OSBPL9: variants seen among roughly 807,000 people sequenced by gnomAD.
The protein encoded by OSBPL9 is oxysterol-binding protein-related protein 9.
Under a neutral mutation model 106.6 loss-of-function variants are expected in OSBPL9, and 40 were observed. The observed-to-expected ratio is 0.38, with a 90% CI of 0.29 to 0.49. The LOEUF is 0.49. Among genes scored for constraint, OSBPL9 ranks in the 20% least tolerant of loss-of-function variants. The pLI, the probability that OSBPL9 is intolerant of heterozygous loss-of-function variation, is 0.97. For missense variants in OSBPL9, 609 were observed against 887.2 expected, an observed-to-expected ratio of 0.69 and a Z score of 3.98; for synonymous variants, 269 against 295.4, an observed-to-expected ratio of 0.91 and a Z score of 0.92.
At position 51,787,961 on chromosome 1, in the gene OSBPL9, C is replaced by A. The variant is rs1019738317; in HGVS notation, c.*172C>A. 16 of 598,892 alleles carry A rather than the reference C, an allele frequency of 2.7e-5. No individual in the cohort carries two copies. Among genetic ancestry groups the A allele is most frequent in the Non-Finnish European group, 4.3e-5 (15 of 347,756 alleles). 37.1% of individuals were successfully genotyped at this position (598,892 alleles called of 1,614,324 possible). Reference sequence around the variant, plus strand: ...ATGAACAATTAAGGGGAAAAGCTTCCCTTTTCCCTCTGTGGCAGTTACGAT... The same window carrying A: ...ATGAACAATTAAGGGGAAAAGCTTCACTTTTCCCTCTGTGGCAGTTACGAT... On this transcript the variant is annotated 3_prime_UTR_variant, in exon 24 of 24. Transcript: ENST00000428468.
chr1:51,764,986 C>G (rs1672273288), intron 11 of OSBPL9, among the ~76,000 whole-genome samples: 1 of 152,206 alleles, frequency 6.6e-6, no homozygotes, highest in African/African-American at 2.4e-5. Context: ...CACCAGACAT[C>G]TGTAGATTAG....
At chr1:51,737,969 C>G (rs1666077564) in intron 4 of OSBPL9, among the ~76,000 whole-genome samples, 3 of 151,962 alleles carry the variant, frequency 2.0e-5, no homozygotes, top group Admixed American at 2.0e-4. Context: ...CTGAGACAAC[C>G]AGGCATAAAC....
chr1:51,749,401 C>T (rs1314764084), intron 7 of OSBPL9: 7 of 243,578 alleles, frequency 2.9e-5, no homozygotes, highest in African/African-American at 1.5e-4. Flanking sequence ...CAGCTTCGAA[C>T]TCCTGGGCTC....
intron 1 of OSBPL9, among the ~76,000 whole-genome samples, chr1:51,584,533 G>A (rs890435026): frequency 6.6e-6 from 1 of 152,050 alleles, no homozygotes; most frequent in Non-Finnish European, 1.5e-5. Context: ...TGACCAACAT[G>A]GTGAAACACC....
the OSBPL9 span, among the ~76,000 whole-genome samples, chr1:51,571,118 G>A: frequency 2.0e-5 from 3 of 152,154 alleles, no homozygotes; most frequent in African/African-American, 4.8e-5. Context: ...ACTTTCCTGG[G>A]TCACACTATG....
Position 51,597,421 on chromosome 1 carries a change from ATATGTGTG to A in OSBPL9, c.-422-701_-422-694del, listed in dbSNP as rs1366032751. Among the ~76,000 whole-genome samples the A allele has an allele frequency of 5.6e-3, 566 of 100,492 alleles. 8 individuals are homozygous for A. The highest frequency in any genetic ancestry group is 0.017 in the African/African-American group (549 of 32,204). The allele number at this position is 100,492 out of a possible 152,430, so 65.9% of individuals were successfully genotyped here. ...GGAATATATGTGTGTATATATATAT[ATATGTGTG>A]TGTGTGTGTGTGTGTGTGTGTGTGT... is the stretch of plus-strand genomic sequence containing the variant. On this transcript the variant is annotated intron_variant, in intron 1 of 25. Coordinates refer to the OSBPL9 transcript ENST00000371714.
rs986430840 is a variant in OSBPL9 at position 51,729,819 on chromosome 1, G to T, written c.319-15717G>T. 7 of 1,243,522 alleles carry T rather than the reference G, an allele frequency of 5.6e-6. No individual in the cohort carries two copies. In the South Asian group the frequency reaches 2.1e-4, roughly 37 times the overall value. The allele number at this position is 1,243,522 out of a possible 1,614,324, so 77.0% of individuals were successfully genotyped here. A position where few individuals can be genotyped will look rare whatever the true frequency, so the allele number is the denominator to read the frequency against. ...GACGGGAAAGGGGTGGGGGGTGAAG[G>T]GGGTGAAGGGGGTGTCCCGGGGGAC... On this transcript the variant is annotated intron_variant, in intron 4 of 23. Transcript: ENST00000428468. This position sits in a 1 kb window ranked among gnomAD's most constrained non-coding sequence, Gnocchi z 5.1.
At chr1:51,687,611 A>G (rs1654086316) in intron 3 of OSBPL9, among the ~76,000 whole-genome samples, 1 of 152,202 alleles carries the variant, frequency 6.6e-6, no homozygotes, top group Admixed American at 6.5e-5. Context: ...GGGGCAGCAC[A>G]TTCTAAGCAA....
intron 7 of OSBPL9, among the ~76,000 whole-genome samples, chr1:51,749,833 G>A (rs963365693): frequency 6.7e-6 from 1 of 148,986 alleles, no homozygotes; most frequent in Non-Finnish European, 1.5e-5. Context: ...CCTGTGAATA[G>A]CCACTGCAAT....
chr1:51,590,013 A>C (rs1645265847), intron 1 of OSBPL9, among the ~76,000 whole-genome samples: 1 of 143,172 alleles, frequency 7.0e-6, no homozygotes, highest in Non-Finnish European at 1.5e-5. Flanking sequence ...AGCCCAGGGA[A>C]CAGTGTGAGA....
chr1:51,673,667 A>G (rs1650462090), intron 3 of OSBPL9, among the ~76,000 whole-genome samples: 1 of 152,206 alleles, frequency 6.6e-6, no homozygotes, highest in African/African-American at 2.4e-5. Context: ...AGATTAAAGC[A>G]GTGATAATAG....
the OSBPL9 span, chr1:51,567,697 A>T: frequency 1.4e-4 from 21 of 152,254 alleles, no homozygotes; most frequent in African/African-American, 4.8e-4. Context: ...TAAATGAGAT[A>T]ACACATATAA....
intron 3 of OSBPL9, among the ~76,000 whole-genome samples, chr1:51,691,437 G>A (rs895004752): frequency 8.6e-5 from 13 of 151,704 alleles, no homozygotes; most frequent in Admixed American, 7.9e-4. Flanking sequence ...GCGCCACCAT[G>A]CCCGGCTAGT....
At chr1:51,587,754 C>T (rs1277563151) in intron 1 of OSBPL9, among the ~76,000 whole-genome samples, 4 of 152,202 alleles carry the variant, frequency 2.6e-5, no homozygotes, top group Admixed American at 6.5e-5. Context: ...TACTTACTTG[C>T]GCTCTTCTCT....
At chr1:51,545,664 A>G in the OSBPL9 span, among the ~76,000 whole-genome samples, 1 of 152,122 alleles carries the variant, frequency 6.6e-6, no homozygotes, top group South Asian at 2.1e-4. Context: ...AGTCCTAGCT[A>G]CTCAGGAGGC....
intron 14 of OSBPL9, among the ~76,000 whole-genome samples, chr1:51,773,165 G>A (rs1224921799): frequency 6.6e-6 from 1 of 152,110 alleles, no homozygotes; most frequent in Non-Finnish European, 1.5e-5. Context: ...ACATATTTGT[G>A]ACCTCTGTCT....
intron 1 of OSBPL9, among the ~76,000 whole-genome samples, chr1:51,647,470 G>A (rs547031494): frequency 6.6e-4 from 100 of 152,288 alleles, no homozygotes; most frequent in Non-Finnish European, 1.0e-3. Flanking sequence ...TTTTGGAAGA[G>A]TTTGTGAAGG....
chr1:51,756,643 A>G, intron 9 of OSBPL9: 1 of 323,570 alleles, frequency 3.1e-6, no homozygotes, highest in Non-Finnish European at 5.8e-6. Context: ...ACAATTAAAT[A>G]ATGCATAACT....
chr1:51,748,852 G>A (rs1428634025), intron 7 of OSBPL9, among the ~76,000 whole-genome samples: 2 of 152,078 alleles, frequency 1.3e-5, no homozygotes, highest in East Asian at 1.9e-4. Flanking sequence ...TTGGGAGGCC[G>A]AGGTGGGCGG....
Sources: allele counts gnomAD v4.1 joint callset (sites outside exome capture counted in the v4.1 genomes callset), GRCh38; gene constraint gnomAD v4.1.1; non-coding constraint Gnocchi (gnomAD v3.1); transcripts MANE v1.5; gene names NCBI Gene and HGNC (gene_info 2026-07-23, HGNC 2026-07-21).